The following IGSF3 variants were observed in gnomAD, a reference collection of about 807,000 sequenced individuals.
IGSF3 encodes the protein immunoglobulin superfamily member 3, also known as glu-Trp-Ile EWI motif-containing protein 3.
A neutral mutation model predicts 114.4 loss-of-function variants in IGSF3; 23 were observed. The ratio of observed to expected loss-of-function variants is 0.20; its 90% confidence interval spans 0.14 to 0.28. IGSF3 has a LOEUF of 0.28. Ranked by LOEUF, IGSF3 falls within the 10% of genes least tolerant of loss-of-function variation. The probability of loss-of-function intolerance (pLI) is 1.00; values close to 1 mark genes in which losing one functional copy is unlikely to be tolerated. For synonymous variants in IGSF3, 571 were observed against 645.2 expected (o/e 0.88, Z 1.74); for missense variants, 1,172 against 1,591.5 (o/e 0.74, Z 4.48).
Position 116,589,205 on chromosome 1 carries a change from G to C in IGSF3, c.2030-101C>G. 2 of 1,072,590 alleles carry C rather than the reference G, an allele frequency of 1.9e-6. No individual in the cohort carries two copies. Among genetic ancestry groups the C allele is most frequent in the Non-Finnish European group, 2.7e-6 (2 of 734,014 alleles). 66.4% of individuals were successfully genotyped at this position (1,072,590 alleles called of 1,614,324 possible). On this transcript the variant is annotated intron_variant, in intron 7 of 10. Coordinates refer to ENST00000369486, the MANE Select transcript of IGSF3 (RefSeq NM_001007237.3). The surrounding 1 kb of genome is among the most constrained non-coding windows in gnomAD (Gnocchi z 5.7). ...CAGGTTTCCTCCAGCACAGTTCCTG[G>C]GGGATTTAACACCGACTGGCTTCAG...
chr1:116,604,660 C>T (rs1377061494), intron 5 of IGSF3, among the ~76,000 whole-genome samples: 2 of 152,190 alleles, frequency 1.3e-5, no homozygotes, highest in African/African-American at 2.4e-5. Flanking sequence ...AGGAACAAAA[C>T]AAAGCCAGCA....
intron 6 of IGSF3, among the ~76,000 whole-genome samples, chr1:116,602,144 T>C (rs1660617968): frequency 6.6e-6 from 1 of 152,248 alleles, no homozygotes; most frequent in African/African-American, 2.4e-5. Context: ...TGATTATGGC[T>C]CTAGCCAGAG....
rs1484557154 is a variant in IGSF3 at position 116,614,345 on chromosome 1, T to G, written c.422-170A>C. On this transcript the variant is annotated intron_variant, in intron 3 of 10. Transcript: ENST00000369486. The surrounding 1 kb of genome is among the most constrained non-coding windows in gnomAD (Gnocchi z 4.5). ...CCCCAAATGCACATAAACAGAAAGTTTTCTGTTTGGATTTGGAAATGCATT... is the reference window on the plus strand; with the variant it reads ...CCCCAAATGCACATAAACAGAAAGTGTTCTGTTTGGATTTGGAAATGCATT... Among the ~76,000 whole-genome samples the G allele has an allele frequency of 6.6e-6, 1 of 152,200 alleles. No homozygotes were observed.
rs12402951 is a variant in IGSF3 at position 116,647,875 on chromosome 1, G to A, written c.43+18409C>T. 0.012 allele frequency among the ~76,000 whole-genome samples: 1,761 copies of A among 152,300 alleles called. 10 individuals are homozygous for A. Among genetic ancestry groups the A allele is most frequent in the Non-Finnish European group, 0.019 (1,304 of 68,028 alleles). On this transcript the variant is annotated intron_variant, in intron 2 of 10. Coordinates refer to ENST00000369486, the MANE Select transcript of IGSF3 (RefSeq NM_001007237.3). This position sits in a 1 kb window ranked among gnomAD's most constrained non-coding sequence, Gnocchi z 4.6. The stretch of plus-strand genomic sequence containing the variant: ...TCCAAGCACTTTGGGAGGCCAAGGC[G>A]GGCGGATCACCTGAGGTCAGGAGTT...
In IGSF3 at chr1:116,583,080, G is replaced by A. The variant is rs1202284190; in HGVS notation, c.2848+1565C>T. ...CACTCTGCCTGCACCTGCTGGCTGG[G>A]TGGTGATTCGCTCCATGCTTTGGTC... On this transcript the variant is annotated intron_variant, in intron 9 of 10. Coordinates refer to ENST00000369486, the MANE Select transcript of IGSF3 (RefSeq NM_001007237.3). The surrounding 1 kb of genome is among the most constrained non-coding windows in gnomAD (Gnocchi z 4.5). Among the ~76,000 whole-genome samples the A allele has an allele frequency of 3.3e-5, 5 of 152,176 alleles. No individual in the cohort carries two copies. Among genetic ancestry groups the A allele is most frequent in the Non-Finnish European group, 7.3e-5 (5 of 68,030 alleles).
rs1647438566 is a variant in IGSF3, at chr1:116,629,083, G to A, written c.44-12626C>T. On this transcript the variant is annotated intron_variant, in intron 2 of 10. Transcript: ENST00000369486. The surrounding 1 kb of genome is among the most constrained non-coding windows in gnomAD (Gnocchi z 4.3). Reference sequence around the variant, plus strand: ...AAGAATGAGCACTATACCATAGGGGGGTGGGTCACAAAAGCAGGAAAAGGT... The same window carrying A: ...AAGAATGAGCACTATACCATAGGGGAGTGGGTCACAAAAGCAGGAAAAGGT... Among the ~76,000 whole-genome samples the A allele has an allele frequency of 6.6e-6, 1 of 152,102 alleles. No individual in the cohort carries two copies. The highest frequency in any genetic ancestry group is 6.6e-5 in the Admixed American group (1 of 15,262).
Position 116,661,677 on chromosome 1 carries a change from C to A in IGSF3, c.43+4607G>T, listed in dbSNP as rs890270605. ...GTCCTGGCTTCAAAACCCTACTCTGCCACTTTTTAGCTTTGTGACTATGGC... is the reference window on the plus strand; with the variant it reads ...GTCCTGGCTTCAAAACCCTACTCTGACACTTTTTAGCTTTGTGACTATGGC... On this transcript the variant is annotated intron_variant, in intron 2 of 10. Coordinates refer to ENST00000369486, the MANE Select transcript of IGSF3 (RefSeq NM_001007237.3). The surrounding 1 kb of genome is among the most constrained non-coding windows in gnomAD (Gnocchi z 4.0). Among the ~76,000 whole-genome samples, 2 of 152,170 alleles carry A rather than the reference C, an allele frequency of 1.3e-5. No individual in the cohort carries two copies. The highest frequency in any genetic ancestry group is 6.5e-5 in the Admixed American group (1 of 15,272).
chr1:116,581,871 C>A (rs1273231599), intron 9 of IGSF3, among the ~76,000 whole-genome samples: 1 of 152,190 alleles, frequency 6.6e-6, no homozygotes, highest in Non-Finnish European at 1.5e-5. Context: ...GGGGAGCCCC[C>A]CACCCCATGC....
chr1:116,635,821 C>A lies in IGSF3; in HGVS notation c.44-19364G>T, dbSNP rs369848815. ...AAAGGCCTTTTCTCCACCCCACACC[C>A]AGCCAATGCCCACTCATACTTTAAG... On this transcript the variant is annotated intron_variant, in intron 2 of 10. Transcript: ENST00000369486. Among the ~76,000 whole-genome samples the A allele has an allele frequency of 3.5e-4, 53 of 152,328 alleles. No homozygotes were observed. The South Asian group carries it at 0.011, about 32-fold the overall frequency.
rs1380783391 is a variant in IGSF3 at position 116,627,021 on chromosome 1, A to C, written c.44-10564T>G. On this transcript the variant is annotated intron_variant, in intron 2 of 10. Transcript: ENST00000369486. The surrounding 1 kb of genome is among the most constrained non-coding windows in gnomAD (Gnocchi z 4.7). ...TGCCTTCTATTTTCTAGAGGGGAAA[A>C]AAATTAAAAGGCAAGATCAGATTAC... 6.6e-6 allele frequency among the ~76,000 whole-genome samples: 1 copy of C among 152,210 alleles called. No individual in the cohort carries two copies. Among genetic ancestry groups the C allele is most frequent in the East Asian group, 1.9e-4 (1 of 5,198 alleles).
In IGSF3 at chr1:116,584,716, C is replaced by G. The variant is rs1296958258; in HGVS notation, c.2777G>C (p.Ser926Thr). The change falls in exon 9 of 11, where the codon AGC (serine) becomes ACC (threonine). Residue 926 changes from serine (S) to threonine (T), a missense_variant. This residue lies in a region of IGSF3 where 423 missense variants were observed against 509.8 expected (regional missense o/e 0.83). Transcript: ENST00000369486. The surrounding 1 kb of genome is among the most constrained non-coding windows in gnomAD (Gnocchi z 5.8). ...CCGCTTATACCACATGCCACTGGGG[C>G]TGGGCAGCCACTCCTCCACATGGCA... ...YSCHVEEWLP[S>T]PSGMWYKRAE... is the part of the protein sequence containing the mutation. 3 of 1,613,554 alleles carry G rather than the reference C, an allele frequency of 1.9e-6. No homozygotes were observed. In the Admixed American group the frequency reaches 5.0e-5, roughly 27 times the overall value.
chr1:116,607,721 G>C lies in IGSF3; in HGVS notation c.1222+221C>G, dbSNP rs186517741. Among the ~76,000 whole-genome samples the C allele has an allele frequency of 2.4e-3, 360 of 152,246 alleles. 2 individuals are homozygous for C. The highest frequency in any genetic ancestry group is 8.1e-3 in the African/African-American group (337 of 41,524). On this transcript the variant is annotated intron_variant, in intron 5 of 10. Transcript: ENST00000369486. This position sits in a 1 kb window ranked among gnomAD's most constrained non-coding sequence, Gnocchi z 6.1. ...CCAGCCCTAGACTGCCCTGATTCTG[G>C]ACACCCCTGATCCTGATCCTCTGCT...
rs970223897 is a variant in IGSF3, at chr1:116,651,135, T to C, written c.43+15149A>G. ...AGCCATAACTGAGCACATCACAGACTCACACAAATCTGTGGAATGAGTGCA... is the reference window on the plus strand; with the variant it reads ...AGCCATAACTGAGCACATCACAGACCCACACAAATCTGTGGAATGAGTGCA... On this transcript the variant is annotated intron_variant, in intron 2 of 10. Coordinates refer to ENST00000369486, the MANE Select transcript of IGSF3 (RefSeq NM_001007237.3). The surrounding 1 kb of genome is among the most constrained non-coding windows in gnomAD (Gnocchi z 4.4). Among the ~76,000 whole-genome samples the C allele has an allele frequency of 3.9e-5, 6 of 152,224 alleles. No individual in the cohort carries two copies. The highest frequency in any genetic ancestry group is 8.8e-5 in the Non-Finnish European group (6 of 68,030).
rs112431622 is a variant in IGSF3 at position 116,592,586 on chromosome 1, G to A, written c.2030-3482C>T. ...TTCAAGGTGAGACATCAGGAAGAGGGAAGAACTTCGCAGCGGAGACCAGCA... is the reference window on the plus strand; with the variant it reads ...TTCAAGGTGAGACATCAGGAAGAGGAAAGAACTTCGCAGCGGAGACCAGCA... On this transcript the variant is annotated intron_variant, in intron 7 of 10. Coordinates refer to ENST00000369486, the MANE Select transcript of IGSF3 (RefSeq NM_001007237.3). The surrounding 1 kb of genome is among the most constrained non-coding windows in gnomAD (Gnocchi z 4.5). Among the ~76,000 whole-genome samples, 6,168 of 152,210 alleles carry A rather than the reference G, an allele frequency of 0.041. 400 individuals carry two copies. Among genetic ancestry groups the A allele is most frequent in the African/African-American group, 0.14 (5,797 of 41,504 alleles).
intron 4 of IGSF3, among the ~76,000 whole-genome samples, chr1:116,613,418 G>A (rs1176951518): frequency 1.3e-5 from 2 of 152,060 alleles, no homozygotes; most frequent in African/African-American, 4.8e-5. Context: ...GTGCCTAATG[G>A]GAATGAAAGC....
Position 116,603,877 on chromosome 1 carries a change from G to A in IGSF3, c.1371C>T (p.Arg457=). 6.2e-7 allele frequency: 1 copy of A among 1,614,080 alleles called. No individual in the cohort carries two copies. Among genetic ancestry groups the A allele is most frequent in the South Asian group, 1.1e-5 (1 of 91,078 alleles). The change falls in exon 6 of 11, where the codon CGC becomes CGT. Residue 457 remains arginine, a synonymous_variant. Coordinates refer to ENST00000369486, the MANE Select transcript of IGSF3 (RefSeq NM_001007237.3). This position sits in a 1 kb window ranked among gnomAD's most constrained non-coding sequence, Gnocchi z 7.1. ...CCCGGTCTAGCCACATGATATTGCT[G>A]CGGCGGTTCTGCCTGTCCACAAGCT... ...IWQLVDRQNR[R]SNIMWLDRDG... is the part of the protein sequence containing the mutation.
At position 116,595,768 on chromosome 1, in the gene IGSF3, G is replaced by A. The variant is rs1178970027; in HGVS notation, c.2029+4173C>T. Among the ~76,000 whole-genome samples the A allele has an allele frequency of 3.9e-5, 6 of 152,198 alleles. No homozygotes were observed. Among genetic ancestry groups the A allele is most frequent in the Non-Finnish European group, 7.3e-5 (5 of 68,034 alleles). On this transcript the variant is annotated intron_variant, in intron 7 of 10. Coordinates refer to ENST00000369486, the MANE Select transcript of IGSF3 (RefSeq NM_001007237.3). The surrounding 1 kb of genome is among the most constrained non-coding windows in gnomAD (Gnocchi z 4.2). ...TGCTAACATTTCCCTTACTGCTTCT[G>A]TATTTAAGGATATGTAATTGGAGGG... is the stretch of plus-strand genomic sequence containing the variant.
chr1:116,621,145 T>C (rs1661404139), intron 2 of IGSF3, among the ~76,000 whole-genome samples: 1 of 152,170 alleles, frequency 6.6e-6, no homozygotes, highest in Admixed American at 6.5e-5. Context: ...TCTCTCTTGC[T>C]CCTGCTTTGG....
intron 2 of IGSF3, among the ~76,000 whole-genome samples, chr1:116,630,432 TCTTA>T (rs1327731362): frequency 6.6e-6 from 1 of 152,204 alleles, no homozygotes; most frequent in Admixed American, 6.5e-5. Flanking sequence ...AAAGGTGTCT[TCTTA>T]CTTTAATCTC....
Sources: allele counts gnomAD v4.1 joint callset (sites outside exome capture counted in the v4.1 genomes callset), GRCh38; gene constraint gnomAD v4.1.1; regional missense constraint gnomAD v4.1.1; non-coding constraint Gnocchi (gnomAD v3.1); transcripts MANE v1.5; gene names NCBI Gene and HGNC (gene_info 2026-07-23, HGNC 2026-07-21).